PDE1C: variants seen among roughly 807,000 people sequenced by gnomAD.
PDE1C encodes the protein dual specificity calcium/calmodulin-dependent 3',5'-cyclic nucleotide phosphodiesterase 1C.
PDE1C carries 62 observed loss-of-function variants against 93.1 expected under a neutral mutation model. The ratio of observed to expected loss-of-function variants is 0.67; its 90% CI spans 0.54 to 0.82. The LOEUF (loss-of-function observed/expected upper bound fraction) is 0.82. Ranked by LOEUF, PDE1C falls within the 40% of genes least tolerant of loss-of-function variation. The pLI is 0.00. For missense variants in PDE1C, 742 were observed against 884.6 expected, an observed-to-expected ratio of 0.84 and a Z score of 2.04; for synonymous variants, 325 against 310.1, an observed-to-expected ratio of 1.05 and a Z score of -0.50.
At chr7:31,650,742 T>C in the PDE1C span, among the ~76,000 whole-genome samples, 2 of 152,206 alleles carry the variant, frequency 1.3e-5, no homozygotes, top group South Asian at 4.1e-4. Context: ...ATGTTATTGA[T>C]ACTCAGAGTG....
chr7:32,084,623 G>C (rs1039993590), intron 3 of PDE1C, among the ~76,000 whole-genome samples: 1 of 151,578 alleles, frequency 6.6e-6, no homozygotes, highest in African/African-American at 2.4e-5. Flanking sequence ...CTCAGCAAAT[G>C]TAAAAGAACA....
chr7:31,858,291 T>G (rs1000218283), intron 7 of PDE1C, among the ~76,000 whole-genome samples: 1 of 152,120 alleles, frequency 6.6e-6, no homozygotes, highest in African/African-American at 2.4e-5. Flanking sequence ...GCAGAAGTGA[T>G]GAGCAGAGTT....
intron 2 of PDE1C, among the ~76,000 whole-genome samples, chr7:32,181,991 A>G (rs565785409): frequency 1.8e-4 from 28 of 152,360 alleles, no homozygotes; most frequent in Non-Finnish European, 3.8e-4. Flanking sequence ...CCACAGAAAT[A>G]CAAACTACCA....
chr7:32,426,967 T>C (rs1172046388), intron 1 of PDE1C, among the ~76,000 whole-genome samples: 1 of 152,154 alleles, frequency 6.6e-6, no homozygotes, highest in Admixed American at 6.5e-5. Flanking sequence ...AGAGATGTAT[T>C]TAGCAACATT....
rs1477951207 is a variant in PDE1C, at chr7:32,191,242, T to C, written c.136+18247A>G. 3.3e-5 allele frequency among the ~76,000 whole-genome samples: 5 copies of C among 152,186 alleles called. No homozygotes were observed. The South Asian group carries it at 8.3e-4, about 25-fold the overall frequency. On this transcript the variant is annotated intron_variant, in intron 2 of 18. Transcript: ENST00000396193. Reference sequence around the variant, plus strand: ...GAGATTCCCTGAACTGTTTATGAAGTTTCCCCCAGTGGTGACATTTTGTAA... The same window carrying C: ...GAGATTCCCTGAACTGTTTATGAAGCTTCCCCCAGTGGTGACATTTTGTAA...
chr7:31,619,532 C>T, the PDE1C span, among the ~76,000 whole-genome samples: 2 of 66,948 alleles, frequency 3.0e-5, no homozygotes, highest in Non-Finnish European at 6.4e-5. Context: ...TATTTTCAAT[C>T]TCCAAAATTT....
chr7:32,141,843 C>T (rs964428579), intron 3 of PDE1C, among the ~76,000 whole-genome samples: 2 of 152,126 alleles, frequency 1.3e-5, no homozygotes, highest in East Asian at 1.9e-4. Context: ...AAGATGTTAA[C>T]GTTAGGAGAA....
the PDE1C span, among the ~76,000 whole-genome samples, chr7:31,657,232 A>G: frequency 2.3e-5 from 1 of 43,502 alleles, no homozygotes; most frequent in African/African-American, 8.7e-5. Flanking sequence ...TCTGGCAACC[A>G]TTAAGGGATT....
chr7:32,156,882 T>A lies in PDE1C; in HGVS notation c.308+12903A>T, dbSNP rs566027963. Among the ~76,000 whole-genome samples, 6 of 152,328 alleles carry A rather than the reference T, an allele frequency of 3.9e-5. No homozygotes were observed. The South Asian group carries it at 1.2e-3, about 32-fold the overall frequency. ...GATTTAATCACAGTTAAGGTACCCA[T>A]TGATTGTGACAAAGGTACCCTGACA... is the stretch of plus-strand genomic sequence containing the variant. On this transcript the variant is annotated intron_variant, in intron 3 of 18. Transcript: ENST00000396193.
At chr7:32,070,727 TC>T, upstream of PDE1C, 2 of 1,128,728 alleles carry the variant, frequency 1.8e-6, no homozygotes, top group Non-Finnish European at 1.1e-6. Context: ...ATTCGTATTC[TC>T]CCCCTACCCC....
intron 2 of PDE1C, among the ~76,000 whole-genome samples, chr7:31,915,693 A>G (rs1801803158): frequency 6.6e-6 from 1 of 152,192 alleles, no homozygotes; most frequent in South Asian, 2.1e-4. Flanking sequence ...ATTTTTATAT[A>G]TTAGCAACTT....
chr7:31,964,041 G>C (rs1186324767), intron 2 of PDE1C, among the ~76,000 whole-genome samples: 1 of 152,258 alleles, frequency 6.6e-6, no homozygotes, highest in Non-Finnish European at 1.5e-5. Flanking sequence ...CGATAAAGAA[G>C]ACGGGTGATT....
chr7:31,892,494 T>C (rs1001964558), intron 2 of PDE1C, among the ~76,000 whole-genome samples: 6 of 152,182 alleles, frequency 3.9e-5, no homozygotes, highest in East Asian at 1.9e-4. Context: ...CTCTAAGATA[T>C]GAAGCACGAT....
At chr7:31,651,295 G>T in the PDE1C span, 1 of 1,608,870 alleles carries the variant, frequency 6.2e-7, no homozygotes, top group Non-Finnish European at 8.5e-7. Context: ...AGCCATAAAA[G>T]TAAGTACCAG....
intron 2 of PDE1C, among the ~76,000 whole-genome samples, chr7:32,196,380 C>G (rs1584940864): frequency 6.6e-6 from 1 of 152,006 alleles, no homozygotes; most frequent in Admixed American, 6.6e-5. Flanking sequence ...TATGTTAGGG[C>G]TCTTTTTTTG....
chr7:31,926,635 T>A (rs938152761), intron 2 of PDE1C, among the ~76,000 whole-genome samples: 1 of 151,942 alleles, frequency 6.6e-6, no homozygotes, highest in Non-Finnish European at 1.5e-5. Flanking sequence ...CAGCCCATAG[T>A]GGGCCAGCAG....
chr7:32,331,304 T>C (rs1186803975), intron 1 of PDE1C, among the ~76,000 whole-genome samples: 4 of 152,192 alleles, frequency 2.6e-5, no homozygotes, highest in Non-Finnish European at 4.4e-5. Flanking sequence ...AGACACTAGG[T>C]TCAAATCCAA....
intron 2 of PDE1C, among the ~76,000 whole-genome samples, chr7:32,034,020 A>T (rs1790681405): frequency 6.6e-6 from 1 of 151,554 alleles, no homozygotes; most frequent in Non-Finnish European, 1.5e-5. Flanking sequence ...AGAATAGGAA[A>T]ATTAGACTTA....
chr7:31,818,677 ATG>A (rs1788573987), intron 14 of PDE1C, among the ~76,000 whole-genome samples: 1 of 152,140 alleles, frequency 6.6e-6, no homozygotes, highest in Admixed American at 6.6e-5. Context: ...GAGTAAAAAG[ATG>A]ACTATTTTTA....
Sources: allele counts gnomAD v4.1 joint callset (sites outside exome capture counted in the v4.1 genomes callset), GRCh38; gene constraint gnomAD v4.1.1; transcripts MANE v1.5; gene names NCBI Gene and HGNC (gene_info 2026-07-23, HGNC 2026-07-21).